The following ATP6V1C2 variants were observed in gnomAD, a reference collection of about 807,000 sequenced individuals.
ATP6V1C2 encodes ATPase H+ transporting V1 subunit C2.
A neutral mutation model predicts 56.8 loss-of-function variants in ATP6V1C2; 45 were observed. That is an observed-to-expected ratio of 0.79 (90% CI 0.62 to 1.02). The LOEUF is 1.02. Among genes scored for constraint, ATP6V1C2 ranks in the 50% least tolerant of loss-of-function variants. The probability of loss-of-function intolerance (pLI) is 0.00; values close to 1 mark genes in which losing one functional copy is unlikely to be tolerated. For missense variants in ATP6V1C2, 463 were observed against 519.7 expected (o/e 0.89, Z 1.06); for synonymous variants, 220 against 201.3 (o/e 1.09, Z -0.79).
chr2:10,740,485 G>A (rs954777151), intron 3 of ATP6V1C2, among the ~76,000 whole-genome samples: 1 of 152,150 alleles, frequency 6.6e-6, no homozygotes, highest in African/African-American at 2.4e-5. Context: ...ACCTGCAATT[G>A]TTCTCAGTGG....
chr2:10,773,006 G>A (rs575999163), intron 8 of ATP6V1C2, among the ~76,000 whole-genome samples: 3 of 152,366 alleles, frequency 2.0e-5, no homozygotes, highest in East Asian at 1.9e-4. Context: ...GAGGGAAAGC[G>A]GCCTCAGCGT....
intron 3 of ATP6V1C2, among the ~76,000 whole-genome samples, chr2:10,738,261 G>A (rs767791229): frequency 9.2e-5 from 14 of 152,192 alleles, no homozygotes; most frequent in Non-Finnish European, 1.8e-4. Context: ...ACAGGTGGCA[G>A]TAGCTCTCCT....
chr2:10,746,073 GT>G (rs1433557083), intron 3 of ATP6V1C2, among the ~76,000 whole-genome samples: 9 of 152,030 alleles, frequency 5.9e-5, no homozygotes, highest in African/African-American at 2.2e-4. Context: ...TTGAGATGGA[GT>G]TTGTGACCTC....
At chr2:10,758,610 A>G (rs191507063) in intron 4 of ATP6V1C2, among the ~76,000 whole-genome samples, 2 of 152,176 alleles carry the variant, frequency 1.3e-5, no homozygotes, top group African/African-American at 4.8e-5. Context: ...AAACAAAACA[A>G]AACAAAACAA....
At chr2:10,779,018 C>T (rs1334736712) in intron 12 of ATP6V1C2, among the ~76,000 whole-genome samples, 1 of 152,198 alleles carries the variant, frequency 6.6e-6, no homozygotes, top group Non-Finnish European at 1.5e-5. Flanking sequence ...CTCGGGCTGC[C>T]TCCGTCCTCA....
At chr2:10,781,270 C>T (rs185431023) in intron 12 of ATP6V1C2, among the ~76,000 whole-genome samples, 21 of 152,222 alleles carry the variant, frequency 1.4e-4, no homozygotes, top group East Asian at 3.9e-4. Flanking sequence ...GCTTTAAGGA[C>T]GTGTCCTAGA....
At chr2:10,729,241 T>C (rs917480079) in intron 3 of ATP6V1C2, among the ~76,000 whole-genome samples, 6 of 151,532 alleles carry the variant, frequency 4.0e-5, no homozygotes, top group Admixed American at 3.9e-4. Context: ...CTGGGCTCAC[T>C]ACAGCCTCTG....
At chr2:10,753,493 C>A (rs189852695) in intron 3 of ATP6V1C2, among the ~76,000 whole-genome samples, 16 of 151,384 alleles carry the variant, frequency 1.1e-4, no homozygotes, top group Middle Eastern at 3.5e-3. Flanking sequence ...CTTAAGATAG[C>A]TTCCCAGAAG....
rs145323822 is a variant in ATP6V1C2, at chr2:10,728,007, G to A, written c.197+1438G>A. Among the ~76,000 whole-genome samples the A allele has an allele frequency of 2.3e-4, 35 of 152,298 alleles. No individual in the cohort carries two copies. The East Asian group carries it at 6.0e-3, about 26-fold the overall frequency. On this transcript the variant is annotated intron_variant, in intron 3 of 13. Coordinates refer to ENST00000272238, the MANE Select transcript of ATP6V1C2 (RefSeq NM_001039362.2). ...AATTTTCCTATAACTTTCTAGGTAA[G>A]CCTTCCAGAGATAGCCAATACATGC...
At chr2:10,781,005 C>G (rs1357594479) in intron 12 of ATP6V1C2, among the ~76,000 whole-genome samples, 1 of 152,162 alleles carries the variant, frequency 6.6e-6, no homozygotes, top group Non-Finnish European at 1.5e-5. Context: ...CTTGGCCCCC[C>G]AAAGTGCTGG....
At chr2:10,756,418 T>A (rs1052356424) in intron 4 of ATP6V1C2, among the ~76,000 whole-genome samples, 2 of 151,106 alleles carry the variant, frequency 1.3e-5, no homozygotes, top group Admixed American at 6.6e-5. Context: ...TTTTCCATGT[T>A]TAGAAATATT....
Position 10,778,566 on chromosome 2 carries a change from T to C in ATP6V1C2, c.964-6T>C. ...CAGGGGTCACCTGGCTCTTCTGTCT[T>C]TGCAGGGCCCCCTGCTGCGCTGGCT... is the stretch of plus-strand genomic sequence containing the variant. On this transcript the variant is annotated splice_region_variant and splice_polypyrimidine_tract_variant and intron_variant, in intron 11 of 13. Transcript: ENST00000272238. The C allele has an allele frequency of 6.2e-7, 1 of 1,613,934 alleles. No individual in the cohort carries two copies. The highest frequency in any genetic ancestry group is 1.1e-5 in the South Asian group (1 of 91,086).
chr2:10,723,125 G>T, intron 2 of ATP6V1C2, 147 bp downstream of exon 2: 1 of 996,728 alleles, frequency 1.0e-6, no homozygotes, highest in Non-Finnish European at 1.4e-6. Flanking sequence ...GAGGATGGAC[G>T]GGGAGGTGAT....
At chr2:10,743,681 AAAT>A (rs753400102) in intron 3 of ATP6V1C2, among the ~76,000 whole-genome samples, 5 of 151,426 alleles carry the variant, frequency 3.3e-5, no homozygotes, top group Admixed American at 6.6e-5. Flanking sequence ...CTGTCTGTAC[AAAT>A]AATAATAATA....
At chr2:10,743,067 C>T (rs184904548) in intron 3 of ATP6V1C2, among the ~76,000 whole-genome samples, 2 of 152,314 alleles carry the variant, frequency 1.3e-5, no homozygotes, top group East Asian at 1.9e-4. Context: ...TAGCACGCCT[C>T]TGTCTTACTC....
chr2:10,724,828 A>G (rs1227863679), intron 2 of ATP6V1C2, among the ~76,000 whole-genome samples: 1 of 152,040 alleles, frequency 6.6e-6, no homozygotes, highest in Non-Finnish European at 1.5e-5. Context: ...ACATGCCACC[A>G]TGCCTGGCTA....
rs1665254329 is a variant in ATP6V1C2, at chr2:10,780,024, C to G, written c.1061+1355C>G. 6.6e-6 allele frequency among the ~76,000 whole-genome samples: 1 copy of G among 152,144 alleles called. No individual in the cohort carries two copies. Among genetic ancestry groups the G allele is most frequent in the Non-Finnish European group, 1.5e-5 (1 of 68,024 alleles). ...CAGCCCCTGAGACCCTCTGTGTGAC[C>G]TTCCGGACCCCTTCCCCGCCTGCAC... On this transcript the variant is annotated intron_variant, in intron 12 of 13. Coordinates refer to ENST00000272238, the MANE Select transcript of ATP6V1C2 (RefSeq NM_001039362.2). This position sits in a 1 kb window ranked among gnomAD's most constrained non-coding sequence, Gnocchi z 4.1.
At chr2:10,762,238 T>G (rs1306884514) in intron 4 of ATP6V1C2, among the ~76,000 whole-genome samples, 2 of 149,788 alleles carry the variant, frequency 1.3e-5, no homozygotes, top group African/African-American at 5.0e-5. Flanking sequence ...CTCTGCCCCC[T>G]GGGTTCAAGC....
Position 10,755,240 on chromosome 2 carries a change from T to C in ATP6V1C2, c.283+1174T>C, listed in dbSNP as rs756439827. Reference sequence around the variant, plus strand: ...TAGTAGAGACGGGGTTTCTCCATGTTGGTCAGGCTGGTCTCGAACTCCTGA... The same window carrying C: ...TAGTAGAGACGGGGTTTCTCCATGTCGGTCAGGCTGGTCTCGAACTCCTGA... On this transcript the variant is annotated intron_variant, in intron 4 of 13. Coordinates refer to ENST00000272238, the MANE Select transcript of ATP6V1C2 (RefSeq NM_001039362.2). Among the ~76,000 whole-genome samples the C allele has an allele frequency of 7.6e-4, 116 of 151,814 alleles. 1 individual carries two copies. The highest frequency in any genetic ancestry group is 1.3e-4 in the Admixed American group (2 of 15,276).
Sources: gnomAD v4.1 joint callset for allele counts (sites outside exome capture counted in the v4.1 genomes callset) on GRCh38, gnomAD v4.1.1 for gene constraint, Gnocchi (gnomAD v3.1) non-coding constraint, MANE v1.5 for transcripts, NCBI Gene and HGNC (gene_info 2026-07-23, HGNC 2026-07-21) for gene names.